The following DCAF10 variants were observed in gnomAD, a reference collection of about 807,000 sequenced individuals.
DCAF10 encodes DDB1 and CUL4 associated factor 10.
Under a neutral mutation model 51.9 loss-of-function variants are expected in DCAF10, and 19 were observed. The ratio of observed to expected loss-of-function variants is 0.37; its 90% CI spans 0.26 to 0.54. The LOEUF (loss-of-function observed/expected upper bound fraction) is 0.54, where lower values mean the gene tolerates loss of function less well. DCAF10 is among the 20% of genes least tolerant of loss of function. DCAF10 has a pLI of 0.87. For synonymous variants in DCAF10, 291 were observed against 297.1 expected (o/e 0.98, Z 0.21); for missense variants, 510 against 730.6 (o/e 0.70, Z 3.48).
Position 37,800,930 on chromosome 9 carries a change from C to A in DCAF10, c.64C>A (p.Pro22Thr). ...ATCGGCCGGAGCCGGGGCTGAGGAG[C>A]CGACGCCCCACGAGGGGCAGGCAGC... ...DGSAGAGAEE[P>T]TPHEGQAAAT... The change falls in exon 1 of 7, where the codon CCG (proline) becomes ACG (threonine). Residue 22 changes from proline (P) to threonine (T), a missense_variant. Pro to Thr is a conservative substitution (Grantham distance 38). Transcript: ENST00000377724. 1 of 1,495,050 alleles carries A rather than the reference C, an allele frequency of 6.7e-7. No individual in the cohort carries two copies. The highest frequency in any genetic ancestry group is 2.2e-5 in the Admixed American group (1 of 45,326). 92.6% of individuals were successfully genotyped at this position (1,495,050 alleles called of 1,614,324 possible).
intron 5 of DCAF10, 94 bp from the exon 6 acceptor site, chr9:37,859,954 C>A: frequency 7.0e-7 from 1 of 1,433,906 alleles, no homozygotes; most frequent in Admixed American, 1.8e-5. Context: ...GGAATGACGG[C>A]ATGGGAGGTG....
chr9:37,830,356 C>G (rs1232135746), intron 2 of DCAF10, among the ~76,000 whole-genome samples: 2 of 152,194 alleles, frequency 1.3e-5, no homozygotes, highest in Non-Finnish European at 2.9e-5. Context: ...GTTCTGTGCT[C>G]TATCCCAGCA....
At position 37,854,927 on chromosome 9, in the gene DCAF10, T is replaced by C; in HGVS notation, c.999T>C (p.Ser333=). Residue 333 remains serine (S), a synonymous_variant, in exon 4 of 7, where the codon TCT becomes TCC. Coordinates refer to ENST00000377724, the MANE Select transcript of DCAF10 (RefSeq NM_024345.5). ...LILHDLDLTK[S]LEVGSYPILR... ...TGCATGACCTTGACTTAACTAAGTC[T>C]TTAGAAGTAGGCAGCTATCCCATTT... The C allele has an allele frequency of 6.2e-7, 1 of 1,614,030 alleles. No individual in the cohort carries two copies. Among genetic ancestry groups the C allele is most frequent in the Non-Finnish European group, 8.5e-7 (1 of 1,179,978 alleles).
At chr9:37,827,571 G>T (rs1185646845) in intron 2 of DCAF10, among the ~76,000 whole-genome samples, 1 of 151,348 alleles carries the variant, frequency 6.6e-6, no homozygotes, top group Non-Finnish European at 1.5e-5. Flanking sequence ...GAGCTGATAA[G>T]AAAGACAGGA....
intron 1 of DCAF10, among the ~76,000 whole-genome samples, chr9:37,807,898 G>A (rs1037964209): frequency 9.2e-5 from 14 of 151,986 alleles, no homozygotes; most frequent in African/African-American, 3.4e-4. Flanking sequence ...CTGACCTCAG[G>A]TGATCCACCC....
rs1244238671 is a variant in DCAF10 at position 37,862,452 on chromosome 9, T to G, written c.*944T>G. 1 of 152,206 alleles carries G rather than the reference T, an allele frequency of 6.6e-6. No homozygotes were observed. The highest frequency in any genetic ancestry group is 1.5e-5 in the Non-Finnish European group (1 of 68,026). The allele number at this position is 152,206 out of a possible 1,614,324, so 9.4% of individuals were successfully genotyped here. ...ACACAGGATGATGTGTTAACAGTAT[T>G]AGGGTGGAAGAGGAATCAAGAGTAA... is the stretch of plus-strand genomic sequence containing the variant. On this transcript the variant is annotated 3_prime_UTR_variant, in exon 7 of 7. Transcript: ENST00000377724.
In DCAF10 at chr9:37,831,727, T is replaced by C. The variant is rs116307363; in HGVS notation, c.654-10362T>C. On this transcript the variant is annotated intron_variant, in intron 2 of 6. Coordinates refer to ENST00000377724, the MANE Select transcript of DCAF10 (RefSeq NM_024345.5). ...GGGAAAAGTCTGTAATTTAAATACT[T>C]ACACCCATTATACAGGCTTACTTCT... Among the ~76,000 whole-genome samples, 967 of 152,362 alleles carry C rather than the reference T, an allele frequency of 6.3e-3. 11 individuals carry two copies. Among genetic ancestry groups the C allele is most frequent in the African/African-American group, 0.022 (925 of 41,584 alleles).
chr9:37,846,613 C>T (rs1435494603), intron 3 of DCAF10, among the ~76,000 whole-genome samples: 3 of 152,012 alleles, frequency 2.0e-5, no homozygotes, highest in Non-Finnish European at 4.4e-5. Flanking sequence ...TCCACCACCA[C>T]CCCTGGCTAA....
chr9:37,845,805 C>A (rs577022381), intron 3 of DCAF10, among the ~76,000 whole-genome samples: 1 of 152,042 alleles, frequency 6.6e-6, no homozygotes, highest in African/African-American at 2.4e-5. Flanking sequence ...AGTGTTCATG[C>A]GGTGCTTGTT....
chr9:37,852,930 TTATATATATATATATATATA>T (rs59469290), intron 3 of DCAF10, among the ~76,000 whole-genome samples: 46 of 109,702 alleles, frequency 4.2e-4, no homozygotes, highest in South Asian at 1.2e-3. Context: ...GTATGTGAGG[TTATATATATATATATATATA>T]TATATATATA....
intron 2 of DCAF10, among the ~76,000 whole-genome samples, chr9:37,830,922 T>C (rs1829986976): frequency 6.6e-6 from 1 of 152,210 alleles, no homozygotes; most frequent in African/African-American, 2.4e-5. Flanking sequence ...TTTAGAAGTA[T>C]ACATAACTTA....
At chr9:37,814,872 C>CATACACTTT (rs1285726669) in intron 1 of DCAF10, among the ~76,000 whole-genome samples, 4 of 152,134 alleles carry the variant, frequency 2.6e-5, no homozygotes, top group Non-Finnish European at 4.4e-5. Flanking sequence ...ATGATGTTAG[C>CATACACTTT]ATACACTTTA....
chr9:37,853,317 G>A (rs1355245855), intron 3 of DCAF10, among the ~76,000 whole-genome samples: 1 of 151,474 alleles, frequency 6.6e-6, no homozygotes, highest in Admixed American at 6.6e-5. Flanking sequence ...GGAGGCTGAG[G>A]CAGGAGAATC....
chr9:37,856,428 CT>C (rs758971547), intron 4 of DCAF10, among the ~76,000 whole-genome samples: 35 of 152,004 alleles, frequency 2.3e-4, no homozygotes, highest in African/African-American at 3.4e-4. Context: ...TCTAGTTGGC[CT>C]ATTTCAACTC....
intron 2 of DCAF10, 108 bp downstream of exon 2, chr9:37,819,509 T>TAAG: frequency 1.5e-6 from 1 of 661,754 alleles, no homozygotes; most frequent in Non-Finnish European, 2.5e-6. Context: ...CACTGCTAGA[T>TAAG]GATCCACATT....
intron 2 of DCAF10, among the ~76,000 whole-genome samples, chr9:37,822,961 T>A (rs1280594898): frequency 6.6e-6 from 1 of 152,112 alleles, no homozygotes; most frequent in African/African-American, 2.4e-5. Flanking sequence ...AGCAAGACTC[T>A]ATCCTTATAA....
chr9:37,848,871 G>A (rs1830551131), intron 3 of DCAF10, among the ~76,000 whole-genome samples: 1 of 151,568 alleles, frequency 6.6e-6, no homozygotes, highest in Non-Finnish European at 1.5e-5. Context: ...TACTCAGGAG[G>A]CTGAGGCAGG....
chr9:37,844,470 C>T (rs765187393), intron 3 of DCAF10, among the ~76,000 whole-genome samples: 1 of 152,016 alleles, frequency 6.6e-6, no homozygotes, highest in Non-Finnish European at 1.5e-5. Flanking sequence ...GGCCAGCACG[C>T]AGAAACCCCA....
Position 37,807,538 on chromosome 9 carries a change from A to G in DCAF10, c.539+6133A>G, listed in dbSNP as rs1411646689. 2.6e-5 allele frequency among the ~76,000 whole-genome samples: 4 copies of G among 152,100 alleles called. No individual in the cohort carries two copies. The East Asian group carries it at 7.7e-4, about 29-fold the overall frequency. On this transcript the variant is annotated intron_variant, in intron 1 of 6. Transcript: ENST00000377724. Reference sequence around the variant, plus strand: ...CTAGAATGATTTAATGAACAATTTGAGCTACAATGGTTATCACCTGGTGAG... The same window carrying G: ...CTAGAATGATTTAATGAACAATTTGGGCTACAATGGTTATCACCTGGTGAG...
Sources: gnomAD v4.1 joint callset for allele counts (sites outside exome capture counted in the v4.1 genomes callset) on GRCh38, gnomAD v4.1.1 for gene constraint, MANE v1.5 for transcripts, NCBI Gene and HGNC (gene_info 2026-07-23, HGNC 2026-07-21) for gene names.